Variants in COLEC11 observed in about 807,000 individuals in gnomAD.
COLEC11 encodes the protein collectin-11.
Under a neutral mutation model 27.3 loss-of-function variants are expected in COLEC11, and 20 were observed. The observed-to-expected ratio is 0.73, with a 90% CI of 0.51 to 1.06. COLEC11 has a LOEUF of 1.06. COLEC11 is among the 50% of genes least tolerant of loss of function. The pLI, the probability that COLEC11 is intolerant of heterozygous loss-of-function variation, is 0.00. For synonymous variants in COLEC11, 163 were observed against 154.7 expected, an observed-to-expected ratio of 1.05 and a Z score of -0.40; for missense variants, 310 against 383.0, an observed-to-expected ratio of 0.81 and a Z score of 1.59.
rs536918498 is a variant in COLEC11 at position 3,616,505 on chromosome 2, C to T, written c.202+3123C>T. The stretch of plus-strand genomic sequence containing the variant: ...AGTGAACGAGACTCCGTCTGCAATC[C>T]GGGCACCTCGGGAGGCCGAGGCTGG... On this transcript the variant is annotated intron_variant, in intron 3 of 6. Coordinates refer to ENST00000349077, the MANE Select transcript of COLEC11 (RefSeq NM_024027.5). Among the ~76,000 whole-genome samples the T allele has an allele frequency of 4.5e-3, 680 of 152,354 alleles. 5 individuals are homozygous for T. The highest frequency in any genetic ancestry group is 0.015 in the African/African-American group (635 of 41,570).
In COLEC11 at chr2:3,644,630, A is replaced by T. The variant is rs975443343; in HGVS notation, c.*512A>T. 5.6e-6 allele frequency: 2 copies of T among 359,774 alleles called. No individual in the cohort carries two copies. The highest frequency in any genetic ancestry group is 3.8e-5 in the Admixed American group (1 of 26,632). The allele number at this position is 359,774 out of a possible 1,614,324, so 22.3% of individuals were successfully genotyped here. On this transcript the variant is annotated 3_prime_UTR_variant, in exon 7 of 7. Coordinates refer to ENST00000349077, the MANE Select transcript of COLEC11 (RefSeq NM_024027.5). ...CAGATTTCAGGAAAACAACAACAAA[A>T]TTCTCCAAACTTTACTACTAAATGT...
chr2:3,638,855 T>C (rs992306659), intron 4 of COLEC11, among the ~76,000 whole-genome samples: 9 of 152,254 alleles, frequency 5.9e-5, no homozygotes, highest in Non-Finnish European at 5.9e-5. Flanking sequence ...GTATTTTAAG[T>C]GTACAATTCA....
At position 3,622,034 on chromosome 2, in the gene COLEC11, G is replaced by A. The variant is rs576073832; in HGVS notation, c.202+8652G>A. Among the ~76,000 whole-genome samples the A allele has an allele frequency of 7.9e-4, 120 of 151,890 alleles. 3 individuals carry two copies. The highest frequency in any genetic ancestry group is 3.0e-3 in the Admixed American group (45 of 15,232). On this transcript the variant is annotated intron_variant, in intron 3 of 6. Transcript: ENST00000349077. ...TCTACTAAAAATACAAAAATTAGCC[G>A]GGTGCTCGCCTGTAGTCCTAGCTAC...
chr2:3,599,401 G>C (rs913389948), intron 1 of COLEC11, among the ~76,000 whole-genome samples: 1 of 152,232 alleles, frequency 6.6e-6, no homozygotes. Context: ...CAGAGGCACT[G>C]TGCGGGGGAC....
chr2:3,637,605 G>T lies in COLEC11; in HGVS notation c.274+1G>T. 1 of 1,613,236 alleles carries T rather than the reference G, an allele frequency of 6.2e-7. No individual in the cohort carries two copies. The highest frequency in any genetic ancestry group is 8.5e-7 in the Non-Finnish European group (1 of 1,179,202). On this transcript the variant is annotated splice_donor_variant, in intron 4 of 6. Coordinates refer to ENST00000349077, the MANE Select transcript of COLEC11 (RefSeq NM_024027.5). LOFTEE classifies it high-confidence loss of function. The stretch of plus-strand genomic sequence containing the variant: ...AAAATTGGTCCCATTGGCTCTAAAG[G>T]TATTTGCAATGCGATTCTTGCCTCA...
At chr2:3,637,472 A>G in intron 3 of COLEC11, 61 bp from the exon 4 acceptor site, 1 of 1,326,374 alleles carries the variant, frequency 7.5e-7, no homozygotes. Context: ...CACGTGTGTG[A>G]TGGAGGAGGC....
chr2:3,623,526 G>A (rs751764128), intron 3 of COLEC11, among the ~76,000 whole-genome samples: 6 of 151,426 alleles, frequency 4.0e-5, no homozygotes, highest in Non-Finnish European at 8.8e-5. Context: ...ATTTTTAAAT[G>A]ACCTGTCATC....
rs150837001 is a variant in COLEC11, at chr2:3,643,848, C to T, written c.546C>T (p.Asp182=). 20 of 1,613,596 alleles carry T rather than the reference C, an allele frequency of 1.2e-5. No individual in the cohort carries two copies. Among genetic ancestry groups the T allele is most frequent in the South Asian group, 8.8e-5 (8 of 91,080 alleles). ...GRGGTLSMPK[D]EAANGLMAAY... The stretch of plus-strand genomic sequence containing the variant: ...GGGGCACGCTGAGCATGCCCAAGGA[C>T]GAGGCTGCCAATGGCCTGATGGCCG... The change falls in exon 7 of 7, where the codon GAC becomes GAT. Residue 182 remains aspartate (D), a synonymous_variant. Coordinates refer to ENST00000349077, the MANE Select transcript of COLEC11 (RefSeq NM_024027.5).
intron 3 of COLEC11, among the ~76,000 whole-genome samples, chr2:3,634,456 G>A (rs947068908): frequency 2.0e-5 from 3 of 152,164 alleles, no homozygotes; most frequent in South Asian, 2.1e-4. Context: ...TGACTGTACC[G>A]TGCCTCCTCC....
chr2:3,613,980 C>CTTTTTT (rs57071680), intron 3 of COLEC11, among the ~76,000 whole-genome samples: 4 of 131,128 alleles, frequency 3.1e-5, no homozygotes, highest in Admixed American at 7.7e-5. Flanking sequence ...TTCTTTCTTT[C>CTTTTTT]TTTTTTTTTT....
chr2:3,609,727 ACCAT>A (rs1663042713), intron 2 of COLEC11, among the ~76,000 whole-genome samples: 2 of 152,236 alleles, frequency 1.3e-5, no homozygotes, highest in South Asian at 4.1e-4. Flanking sequence ...ACGGGGTTTC[ACCAT>A]GTTGACCAGG....
chr2:3,636,324 G>A (rs536562858), intron 3 of COLEC11, among the ~76,000 whole-genome samples: 5 of 152,314 alleles, frequency 3.3e-5, no homozygotes, highest in South Asian at 2.1e-4. Flanking sequence ...GCGTGGTGGC[G>A]GATGCCTGTA....
chr2:3,638,938 A>G (rs997325377), intron 4 of COLEC11, among the ~76,000 whole-genome samples: 1 of 152,200 alleles, frequency 6.6e-6, no homozygotes, highest in East Asian at 1.9e-4. Context: ...CTCTCCAAAG[A>G]GAGACTCTTC....
chr2:3,624,777 G>A (rs1421901798), intron 3 of COLEC11, among the ~76,000 whole-genome samples: 1 of 152,146 alleles, frequency 6.6e-6, no homozygotes, highest in African/African-American at 2.4e-5. Context: ...TTTGTTCATG[G>A]GGAGTTGTCA....
At chr2:3,622,173 A>C (rs1252555550) in intron 3 of COLEC11, among the ~76,000 whole-genome samples, 2 of 151,684 alleles carry the variant, frequency 1.3e-5, no homozygotes, top group African/African-American at 4.8e-5. Flanking sequence ...CATCTCAAAA[A>C]AAAAAAAAAA....
intron 1 of COLEC11, among the ~76,000 whole-genome samples, chr2:3,601,624 T>C (rs962451514): frequency 1.3e-5 from 2 of 152,168 alleles, no homozygotes; most frequent in African/African-American, 4.8e-5. Context: ...CCCCGAGCCA[T>C]TCTTGGACAT....
intron 3 of COLEC11, among the ~76,000 whole-genome samples, chr2:3,619,989 A>G (rs939149100): frequency 1.1e-4 from 16 of 152,134 alleles, no homozygotes; most frequent in Admixed American, 7.2e-4. Flanking sequence ...AGATTTTTGC[A>G]TCTGTGTTCA....
chr2:3,603,958 T>C (rs941285988), intron 1 of COLEC11: 1 of 566,840 alleles, frequency 1.8e-6, no homozygotes, highest in African/African-American at 1.9e-5. Context: ...AGAGGCTCCA[T>C]GTCTGTGGCT....
chr2:3,613,461 G>A, intron 3 of COLEC11, 79 bp downstream of exon 3: 1 of 1,464,356 alleles, frequency 6.8e-7, no homozygotes, highest in Non-Finnish European at 9.4e-7. Flanking sequence ...GGGGAGGTGG[G>A]GGTGGTGGTT....
Sources: gnomAD v4.1 joint callset for allele counts (sites outside exome capture counted in the v4.1 genomes callset) on GRCh38, gnomAD v4.1.1 for gene constraint, MANE v1.5 for transcripts, NCBI Gene and HGNC (gene_info 2026-07-23, HGNC 2026-07-21) for gene names.